PLEKHG1: variants seen among roughly 807,000 people sequenced by gnomAD.
The protein encoded by PLEKHG1 is pleckstrin homology domain-containing family G member 1.
In PLEKHG1, 44 loss-of-function variants were observed where a neutral mutation model predicts 100.8. The observed-to-expected ratio is 0.44, with a 90% CI of 0.34 to 0.56. PLEKHG1 has a LOEUF of 0.56. PLEKHG1 is among the 20% of genes least tolerant of loss of function. PLEKHG1 has a pLI of 0.01. For synonymous variants in PLEKHG1, 640 were observed against 662.5 expected, an observed-to-expected ratio of 0.97 and a Z score of 0.52; for missense variants, 1,545 against 1,720.9, an observed-to-expected ratio of 0.90 and a Z score of 1.81.
chr6:150,756,168 T>C, intron 2 of PLEKHG1, among the ~76,000 whole-genome samples: 1 of 148,846 alleles, frequency 6.7e-6, no homozygotes. Flanking sequence ...ATCTTCGTGT[T>C]TACCCCCTGG....
intron 10 of PLEKHG1, among the ~76,000 whole-genome samples, chr6:150,813,940 G>A (rs927743178): frequency 2.6e-5 from 4 of 152,074 alleles, no homozygotes; most frequent in African/African-American, 7.2e-5. Flanking sequence ...AAATTGAACT[G>A]GGTGGAAAAT....
chr6:150,704,670 G>A (rs1780933505), intron 3 of PLEKHG1, among the ~76,000 whole-genome samples: 2 of 152,276 alleles, frequency 1.3e-5, no homozygotes, highest in South Asian at 4.1e-4. Flanking sequence ...GCAGGGCCCA[G>A]CAATCTGGTT....
intron 5 of PLEKHG1, among the ~76,000 whole-genome samples, chr6:150,799,661 G>C (rs2128662194): frequency 6.6e-6 from 1 of 152,224 alleles, no homozygotes; most frequent in African/African-American, 2.4e-5. Flanking sequence ...TTGACTCAAG[G>C]GGAAAATAAA....
chr6:150,804,612 A>C, exon 7 of PLEKHG1: 1 of 1,580,772 alleles, frequency 6.3e-7, no homozygotes, highest in Non-Finnish European at 8.5e-7. Context: ...TGTTTAAGGA[A>C]ATAGAAAACC....
chr6:150,640,421 A>G (rs1449409743), intron 2 of PLEKHG1, among the ~76,000 whole-genome samples: 1 of 152,160 alleles, frequency 6.6e-6, no homozygotes, highest in African/African-American at 2.4e-5. Context: ...CCTTTGTCAT[A>G]ACAGCAAACG....
chr6:150,616,689 G>A (rs1777084537), intron 1 of PLEKHG1, among the ~76,000 whole-genome samples: 1 of 152,208 alleles, frequency 6.6e-6, no homozygotes, highest in Non-Finnish European at 1.5e-5. Flanking sequence ...TTCTCTTCTG[G>A]AGAGGAAACG....
intron 10 of PLEKHG1, among the ~76,000 whole-genome samples, chr6:150,812,552 G>C (rs751394262): frequency 2.0e-5 from 3 of 152,308 alleles, no homozygotes; most frequent in Non-Finnish European, 2.9e-5. Context: ...AAAAGGGAGA[G>C]ATCACAGTGG....
At chr6:150,684,661 CAAGAA>C (rs1252820657) in intron 3 of PLEKHG1, among the ~76,000 whole-genome samples, 3 of 152,004 alleles carry the variant, frequency 2.0e-5, no homozygotes, top group Non-Finnish European at 4.4e-5. Context: ...TCGAGGCCTC[CAAGAA>C]GAGCACCACT....
chr6:150,838,311 C>T (rs911475651), intron 15 of PLEKHG1, among the ~76,000 whole-genome samples: 1 of 152,192 alleles, frequency 6.6e-6, no homozygotes, highest in South Asian at 2.1e-4. Context: ...CCTTGTCCAA[C>T]CTATGGCCCA....
chr6:150,690,521 A>G (rs1256039202), intron 3 of PLEKHG1, among the ~76,000 whole-genome samples: 2 of 152,192 alleles, frequency 1.3e-5, no homozygotes, highest in South Asian at 2.1e-4. Context: ...AAATGTAACT[A>G]TACTTCTCTA....
At chr6:150,812,949 G>C (rs1295101825) in intron 10 of PLEKHG1, among the ~76,000 whole-genome samples, 1 of 152,184 alleles carries the variant, frequency 6.6e-6, no homozygotes, top group African/African-American at 2.4e-5. Context: ...AGATAATAAA[G>C]TCATCTGCTG....
At chr6:150,601,748 C>T (rs904553257) in intron 1 of PLEKHG1, among the ~76,000 whole-genome samples, 4 of 152,194 alleles carry the variant, frequency 2.6e-5, no homozygotes, top group Admixed American at 6.5e-5. Context: ...AGCAGCCCCC[C>T]AAGTCCTCTG....
chr6:150,706,459 A>T (rs1303818944), intron 3 of PLEKHG1, among the ~76,000 whole-genome samples: 1 of 150,358 alleles, frequency 6.7e-6, no homozygotes, highest in African/African-American at 2.4e-5. Context: ...CATATAATTT[A>T]AAAAATTAGC....
At chr6:150,764,059 A>G (rs1224880921) in intron 2 of PLEKHG1, among the ~76,000 whole-genome samples, 4 of 151,826 alleles carry the variant, frequency 2.6e-5, no homozygotes, top group Non-Finnish European at 5.9e-5. Context: ...TGTCTGCTGC[A>G]TGCATCACCT....
At chr6:150,605,756 C>T (rs1223533821) in intron 1 of PLEKHG1, 1 of 152,098 alleles carries the variant, frequency 6.6e-6, no homozygotes, top group Non-Finnish European at 1.5e-5. Context: ...TGAAATATTT[C>T]AATTTTTAAT....
chr6:150,772,432 CA>C (rs1412660957), intron 3 of PLEKHG1, among the ~76,000 whole-genome samples: 3 of 152,158 alleles, frequency 2.0e-5, no homozygotes, highest in Non-Finnish European at 4.4e-5. Flanking sequence ...CCAGCCTGGG[CA>C]ACGTGGCGAA....
intron 1 of PLEKHG1, among the ~76,000 whole-genome samples, chr6:150,620,727 T>G (rs1174809918): frequency 6.6e-6 from 1 of 152,204 alleles, no homozygotes; most frequent in Non-Finnish European, 1.5e-5. Flanking sequence ...GTGCCAGGCA[T>G]CAATCAGTTG....
At chr6:150,778,008 A>G (rs1785090339) in intron 3 of PLEKHG1, among the ~76,000 whole-genome samples, 2 of 152,228 alleles carry the variant, frequency 1.3e-5, no homozygotes, top group African/African-American at 2.4e-5. Flanking sequence ...CATATCTTTT[A>G]TAGCGAGATG....
intron 3 of PLEKHG1, 82 bp downstream of exon 4, chr6:150,768,820 C>A: frequency 1.3e-6 from 1 of 775,912 alleles, no homozygotes; most frequent in Non-Finnish European, 2.2e-6. Flanking sequence ...GAAACTTTAC[C>A]TGTAACCCCT....
Sources: allele counts gnomAD v4.1 joint callset (sites outside exome capture counted in the v4.1 genomes callset), GRCh38; gene constraint gnomAD v4.1.1; transcripts MANE v1.5; gene names NCBI Gene and HGNC (gene_info 2026-07-23, HGNC 2026-07-21).